ASTN2: variants seen among roughly 807,000 people sequenced by gnomAD.
ASTN2 encodes the protein astrotactin-2.
In ASTN2, 54 loss-of-function variants were observed where a neutral mutation model predicts 139.8. That is an observed-to-expected ratio of 0.39 (90% CI 0.31 to 0.48). ASTN2 has a LOEUF of 0.48. Among genes scored for constraint, ASTN2 ranks in the 20% least tolerant of loss-of-function variants. The pLI, the probability that ASTN2 is intolerant of heterozygous loss-of-function variation, is 0.95. For synonymous variants in ASTN2, 756 were observed against 719.5 expected (o/e 1.05, Z -0.81); for missense variants, 1,565 against 1,725.1 (o/e 0.91, Z 1.64).
At chr9:116,556,659 C>T (rs1344950078) in intron 19 of ASTN2, among the ~76,000 whole-genome samples, 1 of 152,054 alleles carries the variant, frequency 6.6e-6, no homozygotes. Context: ...TGACGATGAC[C>T]AATATTCCTT....
At chr9:116,821,934 G>A (rs549344104) in intron 11 of ASTN2, among the ~76,000 whole-genome samples, 1 of 152,162 alleles carries the variant, frequency 6.6e-6, no homozygotes, top group South Asian at 2.1e-4. Context: ...TGGAGAAGTA[G>A]TTCCAATACT....
At chr9:116,573,551 C>T (rs973645681) in intron 19 of ASTN2, among the ~76,000 whole-genome samples, 14 of 152,104 alleles carry the variant, frequency 9.2e-5, no homozygotes, top group African/African-American at 3.4e-4. Flanking sequence ...TCTAAATTTA[C>T]ACATGGGCAA....
intron 6 of ASTN2, among the ~76,000 whole-genome samples, chr9:117,025,341 C>A (rs1384628915): frequency 6.6e-6 from 1 of 152,130 alleles, no homozygotes; most frequent in Non-Finnish European, 1.5e-5. Flanking sequence ...GTGCCCTCAC[C>A]CCTGTACTCA....
At chr9:116,488,771 T>C (rs995015602) in intron 19 of ASTN2, among the ~76,000 whole-genome samples, 9 of 152,098 alleles carry the variant, frequency 5.9e-5, no homozygotes, top group African/African-American at 2.2e-4. Context: ...GTCTGGAGAG[T>C]GACATAATGG....
At chr9:116,724,319 T>C (rs1828556100) in intron 16 of ASTN2, among the ~76,000 whole-genome samples, 1 of 152,174 alleles carries the variant, frequency 6.6e-6, no homozygotes, top group African/African-American at 2.4e-5. Flanking sequence ...AAAACGGAGC[T>C]ATTCCCAGAC....
chr9:116,847,019 A>AC (rs1832453454), intron 11 of ASTN2, among the ~76,000 whole-genome samples: 1 of 144,638 alleles, frequency 6.9e-6, no homozygotes, highest in African/African-American at 2.7e-5. Context: ...AAAAAAAAAA[A>AC]AAAAAAACAA....
At chr9:117,403,532 C>G (rs141137743) in intron 1 of ASTN2, among the ~76,000 whole-genome samples, 1 of 152,090 alleles carries the variant, frequency 6.6e-6, no homozygotes, top group African/African-American at 2.4e-5. Flanking sequence ...TGCCTTCCCC[C>G]GATGCCCCAC....
intron 10 of ASTN2, among the ~76,000 whole-genome samples, chr9:116,953,939 A>G (rs1268229287): frequency 6.6e-6 from 1 of 152,156 alleles, no homozygotes; most frequent in Non-Finnish European, 1.5e-5. Context: ...GAGACAGAGA[A>G]CCTTGTGCTA....
intron 19 of ASTN2, among the ~76,000 whole-genome samples, chr9:116,542,465 T>C (rs1012105921): frequency 6.6e-6 from 1 of 152,164 alleles, no homozygotes; most frequent in Non-Finnish European, 1.5e-5. Flanking sequence ...TCAAAGATCA[T>C]TGCAAGGGTA....
At chr9:117,333,083 T>C (rs531284484) in intron 1 of ASTN2, among the ~76,000 whole-genome samples, 9 of 152,278 alleles carry the variant, frequency 5.9e-5, no homozygotes, top group Non-Finnish European at 1.0e-4. Flanking sequence ...TCTGTGAATA[T>C]ACTAAAATCC....
chr9:116,993,393 T>C (rs150678051), intron 7 of ASTN2, among the ~76,000 whole-genome samples: 1 of 152,160 alleles, frequency 6.6e-6, no homozygotes, highest in Non-Finnish European at 1.5e-5. Context: ...TGTGCCTGTC[T>C]TGAACAGTCT....
chr9:116,732,535 C>T (rs940363810), intron 14 of ASTN2, among the ~76,000 whole-genome samples: 4 of 152,170 alleles, frequency 2.6e-5, no homozygotes, highest in African/African-American at 7.2e-5. Flanking sequence ...ATGACGATTC[C>T]CCCGTGACTA....
At chr9:117,381,616 C>G (rs1281622031) in intron 1 of ASTN2, among the ~76,000 whole-genome samples, 1 of 152,122 alleles carries the variant, frequency 6.6e-6, no homozygotes, top group African/African-American at 2.4e-5. Flanking sequence ...TGAGCAAAAG[C>G]TCCCTGAGAC....
intron 20 of ASTN2, among the ~76,000 whole-genome samples, chr9:116,453,691 C>T (rs1346802971): frequency 2.1e-5 from 3 of 146,298 alleles, no homozygotes. Flanking sequence ...ATCTTGCTTA[C>T]TTATGATACT....
chr9:116,799,150 T>C (rs1830776078), intron 13 of ASTN2, among the ~76,000 whole-genome samples: 1 of 151,958 alleles, frequency 6.6e-6, no homozygotes, highest in Non-Finnish European at 1.5e-5. Context: ...ATTAATCACC[T>C]CTTAGGAAGG....
chr9:116,556,902 G>GA (rs1417695075), intron 19 of ASTN2, among the ~76,000 whole-genome samples: 19 of 152,024 alleles, frequency 1.2e-4, no homozygotes, highest in Non-Finnish European at 5.9e-5. Context: ...CATAGATACA[G>GA]AAAAAATGTA....
intron 19 of ASTN2, 94 bp from the exon 20 acceptor site, chr9:116,487,594 C>A: frequency 8.3e-7 from 1 of 1,198,154 alleles, no homozygotes; most frequent in Non-Finnish European, 1.1e-6. Context: ...GTCTTGATAC[C>A]ATTATCAAGA....
intron 7 of ASTN2, among the ~76,000 whole-genome samples, chr9:116,981,356 T>C (rs1836508835): frequency 6.6e-6 from 1 of 152,238 alleles, no homozygotes; most frequent in South Asian, 2.1e-4. Context: ...ATGACTCTGC[T>C]GAGGACTGGA....
intron 2 of ASTN2, among the ~76,000 whole-genome samples, chr9:117,233,223 C>T (rs1832948953): frequency 6.6e-6 from 1 of 152,188 alleles, no homozygotes; most frequent in Non-Finnish European, 1.5e-5. Context: ...CTTCCAATTC[C>T]CCCAAGCGAG....
Sources: allele counts gnomAD v4.1 joint callset (sites outside exome capture counted in the v4.1 genomes callset), GRCh38; gene constraint gnomAD v4.1.1; transcripts MANE v1.5; gene names NCBI Gene and HGNC (gene_info 2026-07-23, HGNC 2026-07-21).